Variants in DDX49 observed in about 807,000 individuals in gnomAD.
The protein encoded by DDX49 is DEAD-box helicase 49.
A neutral mutation model predicts 56.3 loss-of-function variants in DDX49; 50 were observed. The ratio of observed to expected loss-of-function variants is 0.89; its 90% confidence interval spans 0.71 to 1.12. The LOEUF (loss-of-function observed/expected upper bound fraction) is 1.12, where lower values mean the gene tolerates loss of function less well. Among genes scored for constraint, DDX49 ranks in the 50% most tolerant of loss-of-function variants. The probability of loss-of-function intolerance (pLI) is 0.00; values close to 1 mark genes in which losing one functional copy is unlikely to be tolerated. For missense variants in DDX49, 614 were observed against 650.5 expected, an observed-to-expected ratio of 0.94 and a Z score of 0.61; for synonymous variants, 269 against 270.6, an observed-to-expected ratio of 0.99 and a Z score of 0.06.
At chr19:18,925,796 A>C (rs1191608952) in intron 9 of DDX49, among the ~76,000 whole-genome samples, 3 of 152,216 alleles carry the variant, frequency 2.0e-5, no homozygotes, top group African/African-American at 4.8e-5. Context: ...CTGGGGTCGG[A>C]CTGGGCCTGG....
In DDX49 at chr19:18,927,975, C is replaced by A; in HGVS notation, c.1202C>A (p.Ala401Glu). 1 of 1,613,822 alleles carries A rather than the reference C, an allele frequency of 6.2e-7. No individual in the cohort carries two copies. The highest frequency in any genetic ancestry group is 8.5e-7 in the Non-Finnish European group (1 of 1,179,958). Residue 401 changes from alanine to glutamate, a missense_variant, in exon 12 of 13, where the codon GCG becomes GAG. Ala to Glu is a moderately radical substitution (Grantham distance 107, BLOSUM62 -1). Transcript: ENST00000247003. ...ACTTCCCTCCACCAGAAACTGGAGG[C>A]GGCCCACTTTGACGAAAAGAAGGAG... is the stretch of plus-strand genomic sequence containing the variant. ...VRRECEIKLEAAHFDEKKEIN... is the reference protein window; with the variant it reads ...VRRECEIKLEEAHFDEKKEIN...
chr19:18,924,530 C>T, intron 7 of DDX49, 93 bp from the exon 8 acceptor site: 3 of 1,410,278 alleles, frequency 2.1e-6, no homozygotes, highest in Non-Finnish European at 3.0e-6. Flanking sequence ...CAATGGACGG[C>T]TGGGGACTGT....
rs375363974 is a variant in DDX49, at chr19:18,921,738, C to T, written c.315C>T (p.Val105=). 106 of 1,614,010 alleles carry T rather than the reference C, an allele frequency of 6.6e-5. No individual in the cohort carries two copies. Among genetic ancestry groups the T allele is most frequent in the Middle Eastern group, 3.3e-4 (2 of 6,082 alleles). The change falls in exon 3 of 13, where the codon GTC becomes GTT. Residue 105 remains valine, a synonymous_variant. Transcript: ENST00000247003. ...KPLGLKDCII[V]GGMDMVAQAL... ...TAGGGCTGAAAGACTGCATCATCGT[C>T]GGTGGCATGGGTACGGGAGCTGGGA... is the stretch of plus-strand genomic sequence containing the variant.
intron 7 of DDX49, 93 bp downstream of exon 7, chr19:18,924,401 T>C: frequency 1.5e-6 from 2 of 1,319,550 alleles, no homozygotes; most frequent in Admixed American, 1.9e-5. Flanking sequence ...GGGCGCCTTC[T>C]TCCTGCCACC....
rs771738567 is a variant in DDX49 at position 18,921,734 on chromosome 19, T to G, written c.311T>G (p.Ile104Ser). 2.5e-6 allele frequency: 4 copies of G among 1,614,078 alleles called. No individual in the cohort carries two copies. The highest frequency in any genetic ancestry group is 3.4e-6 in the Non-Finnish European group (4 of 1,180,002). Residue 104 changes from isoleucine to serine, a missense_variant, in exon 3 of 13, where the codon ATC (isoleucine) becomes AGC (serine). By Grantham distance (142) the Ile-to-Ser change is moderately radical. Coordinates refer to ENST00000247003, the MANE Select transcript of DDX49 (RefSeq NM_019070.5). ...GKPLGLKDCIIVGGMDMVAQA... is the reference protein window; with the variant it reads ...GKPLGLKDCISVGGMDMVAQA... ...CCTCTAGGGCTGAAAGACTGCATCA[T>G]CGTCGGTGGCATGGGTACGGGAGCT... is the stretch of plus-strand genomic sequence containing the variant.
At chr19:18,926,424 C>G in intron 10 of DDX49, 47 bp downstream of exon 10, 1 of 456,922 alleles carries the variant, frequency 2.2e-6, no homozygotes. Flanking sequence ...GTGGGGTGGG[C>G]AGAGGTGGGC....
intron 7 of DDX49, 133 bp downstream of exon 7, chr19:18,924,441 C>A: frequency 1.8e-6 from 2 of 1,087,786 alleles, no homozygotes; most frequent in Non-Finnish European, 2.8e-6. Flanking sequence ...AATATCGCAG[C>A]TCAAGAGGCC....
rs2056948443 is a variant in DDX49, at chr19:18,924,894, C to T, written c.942C>T (p.Ile314=). The T allele has an allele frequency of 6.2e-7, 1 of 1,612,918 alleles. No individual in the cohort carries two copies. Among genetic ancestry groups the T allele is most frequent in the Non-Finnish European group, 8.5e-7 (1 of 1,180,018 alleles). ...ATDVASRGLD[I]PTVQVVINHN... ...CCTCTGCCTCCAGGGGCCTGGACAT[C>T]CCTACGGTACAGGTGGTCATCAACC... Residue 314 remains isoleucine, a synonymous_variant, in exon 9 of 13, where the codon ATC becomes ATT. Coordinates refer to ENST00000247003, the MANE Select transcript of DDX49 (RefSeq NM_019070.5).
rs1440026067 is a variant in DDX49, at chr19:18,919,766, C to T, written c.25C>T (p.Leu9=). Residue 9 remains leucine (L), a synonymous_variant, in exon 1 of 13, where the codon CTG becomes TTG. Coordinates refer to ENST00000247003, the MANE Select transcript of DDX49 (RefSeq NM_019070.5). ...GATGGCAGGCTTCGCGGAGCTCGGG[C>T]TGTCATCGTGGCTCGTGGAACAATG... MAGFAELG[L]SSWLVEQCRQ... 5.6e-6 allele frequency: 9 copies of T among 1,612,116 alleles called. No individual in the cohort carries two copies. The highest frequency in any genetic ancestry group is 1.1e-5 in the South Asian group (1 of 91,064).
chr19:18,924,590 T>C (rs768610675), intron 7 of DDX49, 33 bp from the exon 8 acceptor site: 5 of 1,612,902 alleles, frequency 3.1e-6, no homozygotes, highest in Non-Finnish European at 4.2e-6. Context: ...CCTGCCTTCA[T>C]GCATTCCCAA....
At chr19:18,924,421 C>T in intron 7 of DDX49, 113 bp downstream of exon 7, 1 of 1,174,082 alleles carries the variant, frequency 8.5e-7, no homozygotes, top group East Asian at 2.5e-5. Context: ...CTGGTCTCTT[C>T]TGGTCCCAGA....
At chr19:18,926,420 TGGGCAGA>T in intron 10 of DDX49, 43 bp downstream of exon 10, 1 of 194,802 alleles carries the variant, frequency 5.1e-6, no homozygotes, top group Non-Finnish European at 9.9e-6. Context: ...AGGGGTGGGG[TGGGCAGA>T]GGTGGGCACC....
chr19:18,922,721 T>G lies in DDX49; in HGVS notation c.753T>G (p.Ile251Met). Reference protein sequence around the residue: ...RFQDEHEDWSIIIFTNTCKTC... With the variant: ...RFQDEHEDWSMIIFTNTCKTC... The stretch of plus-strand genomic sequence containing the variant: ...AGGATGAGCACGAGGACTGGTCCAT[T>G]ATCATCTTCACCAACACGTGCAAGT... Residue 251 changes from isoleucine to methionine, a missense_variant, in exon 6 of 13, where the codon ATT becomes ATG. Coordinates refer to ENST00000247003, the MANE Select transcript of DDX49 (RefSeq NM_019070.5). The G allele has an allele frequency of 6.2e-7, 1 of 1,613,648 alleles. No homozygotes were observed. The highest frequency in any genetic ancestry group is 1.3e-5 in the African/African-American group (1 of 75,012).
At chr19:18,927,136 C>T (rs1417121403) in intron 10 of DDX49, among the ~76,000 whole-genome samples, 1 of 146,036 alleles carries the variant, frequency 6.8e-6, no homozygotes, top group African/African-American at 2.5e-5. Flanking sequence ...TGGCTCACAC[C>T]TGTAATCCCA....
Position 18,927,964 on chromosome 19 carries a change from G to GA in DDX49, c.1194dup (p.Leu399ThrfsTer7). On this transcript the variant is annotated frameshift_variant and splice_region_variant. Transcript: ENST00000247003. LOFTEE classifies it high-confidence loss of function. ...CTCCTTACCCCACTTCCCTCCACCA[G>GA]AAACTGGAGGCGGCCCACTTTGACG... The GA allele has an allele frequency of 1.2e-6, 2 of 1,613,944 alleles. No homozygotes were observed. The highest frequency in any genetic ancestry group is 1.7e-6 in the Non-Finnish European group (2 of 1,179,984).
Position 18,926,298 on chromosome 19 carries a change from C to T in DDX49, c.1028-5C>T, listed in dbSNP as rs1261025269. 1.9e-6 allele frequency: 3 copies of T among 1,570,934 alleles called. No homozygotes were observed. The South Asian group carries it at 3.5e-5, about 18-fold the overall frequency. ...ACATAGCAGATAACCGGCACATCCC[C>T]ACAGGGCGGCAGGGTCAGGCCATCA... On this transcript the variant is annotated splice_region_variant and splice_polypyrimidine_tract_variant and intron_variant, in intron 9 of 12. Transcript: ENST00000247003.
At chr19:18,926,430 T>TTTGGG in intron 10 of DDX49, 53 bp downstream of exon 10, 1 of 462,572 alleles carries the variant, frequency 2.2e-6, no homozygotes, top group Non-Finnish European at 4.1e-6. Context: ...TGGGCAGAGG[T>TTTGGG]GGGCACCTCG....
Position 18,924,634 on chromosome 19 carries a change from T to C in DDX49, c.864T>C (p.Phe288=). Reference sequence around the variant, plus strand: ...CCAACCCTGTGCAGAAAGAACGCTTTGCCGCCCTAGCCAAGTTCAAGTCCA... The same window carrying C: ...CCAACCCTGTGCAGAAAGAACGCTTCGCCGCCCTAGCCAAGTTCAAGTCCA... The part of the protein sequence containing the change: ...LHSMMKQKER[F]AALAKFKSSI... The change falls in exon 8 of 13, where the codon TTT becomes TTC. Residue 288 remains phenylalanine, a synonymous_variant. Coordinates refer to ENST00000247003, the MANE Select transcript of DDX49 (RefSeq NM_019070.5). 9 of 1,614,232 alleles carry C rather than the reference T, an allele frequency of 5.6e-6. No homozygotes were observed. The highest frequency in any genetic ancestry group is 7.6e-6 in the Non-Finnish European group (9 of 1,180,040).
intron 9 of DDX49, 193 bp downstream of exon 9, chr19:18,925,172 T>C (rs1324553915): frequency 2.3e-6 from 2 of 857,836 alleles, no homozygotes; most frequent in Non-Finnish European, 3.5e-6. Context: ...GGCAAGAAGA[T>C]CACTTGAACC....
Sources: gnomAD v4.1 joint callset for allele counts (sites outside exome capture counted in the v4.1 genomes callset) on GRCh38, gnomAD v4.1.1 for gene constraint, MANE v1.5 for transcripts, NCBI Gene and HGNC (gene_info 2026-07-23, HGNC 2026-07-21) for gene names.